ITPR2: variants seen among roughly 807,000 people sequenced by gnomAD.
The protein encoded by ITPR2 is inositol 1,4,5-trisphosphate receptor type 2.
Under a neutral mutation model 317.1 loss-of-function variants are expected in ITPR2, and 207 were observed. The observed-to-expected ratio is 0.65, with a 90% CI of 0.58 to 0.73. The LOEUF is 0.73. Among genes scored for constraint, ITPR2 ranks in the 30% least tolerant of loss-of-function variants. The pLI, the probability that ITPR2 is intolerant of heterozygous loss-of-function variation, is 0.00. For missense variants in ITPR2, 2,613 were observed against 3,284.0 expected, an observed-to-expected ratio of 0.80 and a Z score of 4.99; for synonymous variants, 1,156 against 1,149.1, an observed-to-expected ratio of 1.01 and a Z score of -0.12.
At chr12:26,637,339 T>G (rs1273217968) in intron 21 of ITPR2, among the ~76,000 whole-genome samples, 2 of 152,150 alleles carry the variant, frequency 1.3e-5, no homozygotes, top group Non-Finnish European at 2.9e-5. Context: ...ATGATGGTAG[T>G]AGTATAGCAT....
chr12:26,751,574 T>C (rs1238542672), intron 2 of ITPR2, among the ~76,000 whole-genome samples: 1 of 152,028 alleles, frequency 6.6e-6, no homozygotes, highest in Admixed American at 6.6e-5. Flanking sequence ...TCATCTTATA[T>C]AAAAAGTTTT....
intron 5 of ITPR2, 53 bp downstream of exon 5, chr12:26,722,344 G>T: frequency 3.5e-6 from 5 of 1,440,602 alleles, no homozygotes; most frequent in Non-Finnish European, 3.8e-6. Context: ...TACTTATTAG[G>T]AATCATTTTC....
intron 1 of ITPR2, among the ~76,000 whole-genome samples, chr12:26,828,910 T>C (rs913175155): frequency 6.6e-6 from 1 of 152,228 alleles, no homozygotes; most frequent in Non-Finnish European, 1.5e-5. Context: ...CCTACAGCCC[T>C]GGGCACAAGA....
At chr12:26,773,788 A>C (rs1170746595) in intron 2 of ITPR2, among the ~76,000 whole-genome samples, 2 of 131,012 alleles carry the variant, frequency 1.5e-5, no homozygotes, top group East Asian at 2.0e-4. Context: ...AGAGGCAAAG[A>C]GGCAAAGCAA....
Position 26,463,123 on chromosome 12 carries a change from G to A in ITPR2, c.6342+12173C>T, listed in dbSNP as rs180938559. 4.6e-5 allele frequency among the ~76,000 whole-genome samples: 7 copies of A among 152,222 alleles called. No individual in the cohort carries two copies. In the East Asian group the frequency reaches 1.2e-3, roughly 25 times the overall value. ...TAAGTATTTTTATATTGGCTTATGT[G>A]TTTACTAATTACATTTTCTCATGGG... is the stretch of plus-strand genomic sequence containing the variant. On this transcript the variant is annotated intron_variant, in intron 45 of 56. Transcript: ENST00000381340.
chr12:26,374,812 G>C (rs935656694), intron 55 of ITPR2, among the ~76,000 whole-genome samples: 3 of 152,170 alleles, frequency 2.0e-5, no homozygotes, highest in Non-Finnish European at 2.9e-5. Context: ...CCACTAACCT[G>C]ATATTAAATG....
At chr12:26,829,261 T>G (rs967306038) in intron 1 of ITPR2, among the ~76,000 whole-genome samples, 1 of 152,226 alleles carries the variant, frequency 6.6e-6, no homozygotes, top group Non-Finnish European at 1.5e-5. Context: ...ACTGCCCTGT[T>G]TTCAAAGTAG....
At chr12:26,656,638 C>T (rs543918624) in intron 18 of ITPR2, 90 bp from the exon 19 acceptor site, 3 of 1,313,902 alleles carry the variant, frequency 2.3e-6, no homozygotes, top group South Asian at 1.3e-5. Context: ...GTTTAAGACA[C>T]CTGTATTTCC....
chr12:26,427,918 C>A lies in ITPR2; in HGVS notation c.6940G>T (p.Ala2314Ser). ...AAGCTAAGTAAAGTACTTACATTAG[C>A]TGCACCAAGAAGTATTAATGTAGGC... ...LGPTLILLGAANLCNKIVFLV... is the reference protein window; with the variant it reads ...LGPTLILLGASNLCNKIVFLV... The change falls in exon 49 of 57, where the codon GCT (alanine) becomes TCT (serine). Residue 2314 changes from alanine to serine, a missense_variant. Ala to Ser is a moderately conservative substitution (Grantham distance 99). Coordinates refer to ENST00000381340, the MANE Select transcript of ITPR2 (RefSeq NM_002223.4). 1 of 1,560,822 alleles carries A rather than the reference C, an allele frequency of 6.4e-7. No homozygotes were observed. Among genetic ancestry groups the A allele is most frequent in the Non-Finnish European group, 8.7e-7 (1 of 1,155,234 alleles).
chr12:26,422,904 A>G (rs559927892), intron 49 of ITPR2, among the ~76,000 whole-genome samples: 2 of 152,330 alleles, frequency 1.3e-5, no homozygotes, highest in Admixed American at 6.5e-5. Flanking sequence ...CTTACTAAAC[A>G]TGAGATGGTT....
rs539948577 is a variant in ITPR2 at position 26,623,988 on chromosome 12, A to G, written c.3122+311T>C. The stretch of plus-strand genomic sequence containing the variant: ...AAGCAATGTTTTACAAGACTCAGTG[A>G]TATTTATACCAGGGGAGTTAAAGGG... On this transcript the variant is annotated intron_variant, in intron 24 of 56. Coordinates refer to ENST00000381340, the MANE Select transcript of ITPR2 (RefSeq NM_002223.4). 1.1e-4 allele frequency among the ~76,000 whole-genome samples: 16 copies of G among 152,318 alleles called. No homozygotes were observed. The South Asian group carries it at 3.3e-3, about 32-fold the overall frequency.
At chr12:26,744,273 C>G (rs1186981046) in intron 2 of ITPR2, among the ~76,000 whole-genome samples, 1 of 152,260 alleles carries the variant, frequency 6.6e-6, no homozygotes, top group Non-Finnish European at 1.5e-5. Context: ...CCACCACTAC[C>G]TGGCCACTCA....
chr12:26,367,827 C>T lies in ITPR2; in HGVS notation c.7857+19607G>A, dbSNP rs923550816. ...CACTGTTTGTTTCTAGTTCTTCTTA[C>T]ACAGTGCACTATATTTCACTAATGA... On this transcript the variant is annotated intron_variant, in intron 55 of 56. Coordinates refer to ENST00000381340, the MANE Select transcript of ITPR2 (RefSeq NM_002223.4). Among the ~76,000 whole-genome samples the T allele has an allele frequency of 3.3e-5, 5 of 152,194 alleles. No individual in the cohort carries two copies. In the East Asian group the frequency reaches 7.7e-4, roughly 23 times the overall value.
intron 41 of ITPR2, among the ~76,000 whole-genome samples, chr12:26,485,693 T>C (rs1266562054): frequency 6.6e-6 from 1 of 152,210 alleles, no homozygotes; most frequent in Non-Finnish European, 1.5e-5. Context: ...ACAAATATAC[T>C]CAGTACTCTC....
rs542279120 is a variant in ITPR2 at position 26,600,006 on chromosome 12, T to G, written c.3782A>C (p.Asn1261Thr). 1.2e-6 allele frequency: 2 copies of G among 1,606,024 alleles called. No homozygotes were observed. The highest frequency in any genetic ancestry group is 3.3e-5 in the Admixed American group (2 of 59,992). Residue 1261 changes from asparagine to threonine, a missense_variant, in exon 29 of 57, where the codon AAT becomes ACT. Asn to Thr is a moderately conservative substitution (Grantham distance 65). This residue lies in a region of ITPR2 where 817 missense variants were observed against 897.6 expected (regional missense o/e 0.91). Coordinates refer to ENST00000381340, the MANE Select transcript of ITPR2 (RefSeq NM_002223.4). ...ACTTACACCTGGAGTTAAAAACAAA[T>G]TCAGATGTTTATGAAGAAGAACTTG... is the stretch of plus-strand genomic sequence containing the variant. ...QNQVLLHKHLNLFLTPGLLEA... is the reference protein window; with the variant it reads ...QNQVLLHKHLTLFLTPGLLEA...
At chr12:26,593,483 G>T (rs1945758283) in intron 32 of ITPR2, among the ~76,000 whole-genome samples, 1 of 152,178 alleles carries the variant, frequency 6.6e-6, no homozygotes, top group Non-Finnish European at 1.5e-5. Flanking sequence ...AAAAAGTCAG[G>T]TTTCTATTTC....
At chr12:26,551,972 G>A (rs1944535314) in intron 36 of ITPR2, among the ~76,000 whole-genome samples, 2 of 152,206 alleles carry the variant, frequency 1.3e-5, no homozygotes, top group Admixed American at 6.5e-5. Context: ...TTCCCATTGT[G>A]AGAAAGAGAC....
At chr12:26,407,863 T>G (rs1940404825) in intron 52 of ITPR2, among the ~76,000 whole-genome samples, 1 of 152,212 alleles carries the variant, frequency 6.6e-6, no homozygotes. Flanking sequence ...AGTGACATAA[T>G]GCACACAATG....
At chr12:26,593,787 G>T (rs1945767801) in intron 32 of ITPR2, among the ~76,000 whole-genome samples, 1 of 149,702 alleles carries the variant, frequency 6.7e-6, no homozygotes. Flanking sequence ...GTACACCTTT[G>T]CCTTGCAAAT....
Sources: gnomAD v4.1 joint callset for allele counts (sites outside exome capture counted in the v4.1 genomes callset) on GRCh38, gnomAD v4.1.1 for gene constraint, gnomAD v4.1.1 regional missense constraint, MANE v1.5 for transcripts, NCBI Gene and HGNC (gene_info 2026-07-23, HGNC 2026-07-21) for gene names.